Variants in GLP1R observed in about 807,000 individuals in gnomAD.
GLP1R encodes the protein glucagon like peptide 1 receptor, also known as glucagon-like peptide 1 receptor.
Under a neutral mutation model 68.4 loss-of-function variants are expected in GLP1R, and 32 were observed. That is an observed-to-expected ratio of 0.47 (90% CI 0.35 to 0.63). GLP1R has a LOEUF of 0.63. GLP1R is among the 20% of genes least tolerant of loss of function. The pLI is 0.00. For missense variants in GLP1R, 502 were observed against 594.9 expected, an observed-to-expected ratio of 0.84 and a Z score of 1.62; for synonymous variants, 263 against 244.4, an observed-to-expected ratio of 1.08 and a Z score of -0.71.
chr6:39,081,509 G>C (rs909443812), intron 12 of GLP1R, among the ~76,000 whole-genome samples: 6 of 152,210 alleles, frequency 3.9e-5, no homozygotes, highest in African/African-American at 1.4e-4. Context: ...GAGATGGTCA[G>C]CTCCTGGGAG....
At chr6:39,078,170 T>C in intron 7 of GLP1R, 152 bp from the exon 8 acceptor site, 1 of 643,478 alleles carries the variant, frequency 1.6e-6, no homozygotes, top group Non-Finnish European at 2.8e-6. Context: ...TTCTCCCAGG[T>C]GCCCAGAAAA....
chr6:39,062,379 T>A (rs989904897), intron 3 of GLP1R, among the ~76,000 whole-genome samples: 1 of 152,220 alleles, frequency 6.6e-6, no homozygotes, highest in Non-Finnish European at 1.5e-5. Flanking sequence ...AAGGTGGGCA[T>A]CTGGGGATCA....
chr6:39,073,939 G>T (rs1422935787), intron 7 of GLP1R, among the ~76,000 whole-genome samples, 170 bp downstream of exon 7: 2 of 152,136 alleles, frequency 1.3e-5, no homozygotes, highest in African/African-American at 4.8e-5. Flanking sequence ...GATGCCGTAG[G>T]GGGTTATGGT....
chr6:39,065,284 A>G (rs1233797137), intron 3 of GLP1R, among the ~76,000 whole-genome samples: 1 of 152,214 alleles, frequency 6.6e-6, no homozygotes, highest in East Asian at 1.9e-4. Flanking sequence ...AAAATCAGAA[A>G]TAGCGAGTGA....
At position 39,078,338 on chromosome 6, in the gene GLP1R, T is replaced by C. The variant is rs1768889671; in HGVS notation, c.840T>C (p.Phe280=). 1 of 1,612,444 alleles carries C rather than the reference T, an allele frequency of 6.2e-7. No individual in the cohort carries two copies. ...VSIGWGVPLL[F]VVPWGIVKYL... ...CTCTCTTAGGTGTTCCCCTGCTGTT[T>C]GTTGTCCCCTGGGGCATTGTCAAGT... The change falls in exon 8 of 13, where the codon TTT becomes TTC. Residue 280 remains phenylalanine, a synonymous_variant. Transcript: ENST00000373256.
chr6:39,080,760 G>A (rs760480831), intron 12 of GLP1R, 21 bp downstream of exon 12: 14 of 1,542,700 alleles, frequency 9.1e-6, no homozygotes, highest in Non-Finnish European at 1.2e-5. Context: ...AGGAGGGACG[G>A]TGGGGACCCT....
intron 2 of GLP1R, among the ~76,000 whole-genome samples, 198 bp from the exon 3 acceptor site, chr6:39,057,261 TAAGTTACTTGCTC>T (rs1416235951): frequency 5.9e-5 from 9 of 152,304 alleles, no homozygotes; most frequent in African/African-American, 2.2e-4. Context: ...AAACAGACAT[TAAGTTACTTGCTC>T]AAGGTCCTGC....
At chr6:39,082,741 C>A (rs1769038468) in intron 12 of GLP1R, among the ~76,000 whole-genome samples, 2 of 152,252 alleles carry the variant, frequency 1.3e-5, no homozygotes, top group Admixed American at 1.3e-4. Flanking sequence ...CCATTCCAGC[C>A]CAGTGGTGAT....
At chr6:39,059,171 C>T (rs1406577370) in intron 3 of GLP1R, among the ~76,000 whole-genome samples, 1 of 152,240 alleles carries the variant, frequency 6.6e-6, no homozygotes, top group African/African-American at 2.4e-5. Context: ...GGCCTGCCTT[C>T]TCCAATACTG....
At position 39,049,031 on chromosome 6, in the gene GLP1R, C is replaced by CGGGG; in HGVS notation, c.78+115_78+118dup. 1 of 495,924 alleles carries CGGGG rather than the reference C, an allele frequency of 2.0e-6. No individual in the cohort carries two copies. The highest frequency in any genetic ancestry group is 3.5e-6 in the Non-Finnish European group (1 of 287,498). 30.7% of individuals were successfully genotyped at this position (495,924 alleles called of 1,614,324 possible). A position where few individuals can be genotyped will look rare whatever the true frequency, so the allele number is the denominator to read the frequency against. ...TTGAACGAAACTCCGAGACCGCTGG[C>CGGGG]GGGGGCATCCGAAAGCCTCGGGGGG... On this transcript the variant is annotated intron_variant, in intron 1 of 12. Transcript: ENST00000373256. The surrounding 1 kb of genome is among the most constrained non-coding windows in gnomAD (Gnocchi z 4.5).
intron 7 of GLP1R, among the ~76,000 whole-genome samples, chr6:39,074,841 C>T (rs938115159): frequency 2.0e-5 from 3 of 152,210 alleles, no homozygotes; most frequent in African/African-American, 7.2e-5. Flanking sequence ...CACCAGTCCT[C>T]GTGGTTCTGT....
At position 39,065,400 on chromosome 6, in the gene GLP1R, A is replaced by G. The variant is rs563404759; in HGVS notation, c.284-311A>G. ...AACTGAGCTAAACTCCTGTCATCTC[A>G]AAGGCATGAATTCATTAAACTGTGT... is the stretch of plus-strand genomic sequence containing the variant. On this transcript the variant is annotated intron_variant, in intron 3 of 12. Transcript: ENST00000373256. Among the ~76,000 whole-genome samples, 5 of 152,284 alleles carry G rather than the reference A, an allele frequency of 3.3e-5. No individual in the cohort carries two copies. The East Asian group carries it at 9.7e-4, about 29-fold the overall frequency.
rs1768240254 is a variant in GLP1R, at chr6:39,057,415, G to T, written c.176-57G>T. The T allele has an allele frequency of 4.3e-5, 49 of 1,133,388 alleles. 1 individual carries two copies. The South Asian group carries it at 5.9e-4, about 14-fold the overall frequency. 70.2% of individuals were successfully genotyped at this position (1,133,388 alleles called of 1,614,324 possible). On this transcript the variant is annotated intron_variant, in intron 2 of 12. Transcript: ENST00000373256. ...GGGGAGGGGTCTTGGGGAAGGGAGG[G>T]AAAGGGCCATGGCCAGTCACAAGCA...
chr6:39,056,008 C>G lies in GLP1R; in HGVS notation c.79-389C>G, dbSNP rs10305433. 4.7e-3 allele frequency among the ~76,000 whole-genome samples: 720 copies of G among 152,298 alleles called. 17 individuals carry two copies. Among genetic ancestry groups the G allele is most frequent in the Admixed American group, 0.036 (551 of 15,300 alleles). ...AAAGTGCAAGAAGCCCTCAGGCAGG[C>G]TGACTAGGCGCCAGAAGGAGCTTAG... On this transcript the variant is annotated intron_variant, in intron 1 of 12. Coordinates refer to ENST00000373256, the MANE Select transcript of GLP1R (RefSeq NM_002062.5).
rs1768031870 is a variant in GLP1R at position 39,049,240 on chromosome 6, G to C, written c.78+322G>C. ...CTGCTCCGCTTCTCCTTTGTCCCCA[G>C]CACTTTCCCAACTCCTTCTAAACCG... On this transcript the variant is annotated intron_variant, in intron 1 of 12. Transcript: ENST00000373256. The surrounding 1 kb of genome is among the most constrained non-coding windows in gnomAD (Gnocchi z 4.5). 6.6e-6 allele frequency among the ~76,000 whole-genome samples: 1 copy of C among 152,130 alleles called. No individual in the cohort carries two copies. The highest frequency in any genetic ancestry group is 1.5e-5 in the Non-Finnish European group (1 of 68,002).
At chr6:39,051,260 C>T (rs1210474646) in intron 1 of GLP1R, among the ~76,000 whole-genome samples, 2 of 152,174 alleles carry the variant, frequency 1.3e-5, no homozygotes, top group African/African-American at 4.8e-5. Context: ...GGATCATAAG[C>T]TCTATCACAT....
intron 4 of GLP1R, 36 bp downstream of exon 4, chr6:39,065,865 G>A: frequency 1.5e-6 from 2 of 1,307,200 alleles, no homozygotes; most frequent in Non-Finnish European, 1.1e-6. Context: ...AGGGAGCGGG[G>A]AGCCATGTCT....
At chr6:39,084,591 C>T (rs186715812) in intron 12 of GLP1R, among the ~76,000 whole-genome samples, 68 of 152,292 alleles carry the variant, frequency 4.5e-4, no homozygotes, top group South Asian at 8.3e-4. Flanking sequence ...TGTCAGCATG[C>T]GCTCCCTTCA....
rs1768032502 is a variant in GLP1R at position 39,049,267 on chromosome 6, G to T, written c.78+349G>T. 6.6e-6 allele frequency among the ~76,000 whole-genome samples: 1 copy of T among 152,142 alleles called. No homozygotes were observed. Among genetic ancestry groups the T allele is most frequent in the South Asian group, 2.1e-4 (1 of 4,826 alleles). ...ACTTTCCCAACTCCTTCTAAACCGTGTCAGCGGCCCTGGCACAGCCCGGCA... is the reference window on the plus strand; with the variant it reads ...ACTTTCCCAACTCCTTCTAAACCGTTTCAGCGGCCCTGGCACAGCCCGGCA... On this transcript the variant is annotated intron_variant, in intron 1 of 12. Transcript: ENST00000373256. This position sits in a 1 kb window ranked among gnomAD's most constrained non-coding sequence, Gnocchi z 4.5.
Sources: gnomAD v4.1 joint callset for allele counts (sites outside exome capture counted in the v4.1 genomes callset) on GRCh38, gnomAD v4.1.1 for gene constraint, Gnocchi (gnomAD v3.1) non-coding constraint, MANE v1.5 for transcripts, NCBI Gene and HGNC (gene_info 2026-07-23, HGNC 2026-07-21) for gene names.